TACC2: variants seen among roughly 807,000 people sequenced by gnomAD.
TACC2 encodes the protein transforming acidic coiled-coil containing protein 2, also known as transforming acidic coiled-coil-containing protein 2.
TACC2 carries 137 observed loss-of-function variants against 227.3 expected under a neutral mutation model. That is an observed-to-expected ratio of 0.60 (90% confidence interval 0.52 to 0.69). The LOEUF is 0.69. Ranked by LOEUF, TACC2 falls within the 30% of genes least tolerant of loss-of-function variation. The pLI, the probability that TACC2 is intolerant of heterozygous loss-of-function variation, is 0.00. For synonymous variants in TACC2, 1,523 were observed against 1,487.5 expected (o/e 1.02, Z -0.55); for missense variants, 3,470 against 3,694.4 (o/e 0.94, Z 1.57).
At chr10:122,165,517 G>A (rs746858119) in intron 7 of TACC2, among the ~76,000 whole-genome samples, 7 of 152,186 alleles carry the variant, frequency 4.6e-5, no homozygotes, top group Non-Finnish European at 1.0e-4. Context: ...GCTGAGGGCC[G>A]AGTTTAGATA....
intron 3 of TACC2, among the ~76,000 whole-genome samples, chr10:122,058,892 G>A (rs1565179950): frequency 1.3e-5 from 1 of 76,428 alleles, no homozygotes; most frequent in African/African-American, 3.5e-5. Context: ...CCCCCTCTGT[G>A]TGTTTTTTTT....
chr10:122,011,092 G>A (rs1045514891), intron 1 of TACC2, among the ~76,000 whole-genome samples: 38 of 152,198 alleles, frequency 2.5e-4, no homozygotes, highest in African/African-American at 8.7e-4. Context: ...TAAGACGATG[G>A]TCCAACTAGA....
intron 3 of TACC2, among the ~76,000 whole-genome samples, chr10:122,067,726 G>A (rs905707048): frequency 6.6e-6 from 1 of 152,188 alleles, no homozygotes; most frequent in Non-Finnish European, 1.5e-5. Context: ...GGCTGGTCTC[G>A]AACTCCTGAC....
rs758551244 is a variant in TACC2 at position 122,248,830 on chromosome 10, G to A, written c.8553+27G>A. ...TAGGGCTGAGTTTGGGGGCCACGGA[G>A]GAGGAGGATCTGATTGGGAGAGATT... is the stretch of plus-strand genomic sequence containing the variant. On this transcript the variant is annotated intron_variant, in intron 20 of 22. Coordinates refer to ENST00000369005, the MANE Select transcript of TACC2 (RefSeq NM_206862.4). 20 of 1,613,636 alleles carry A rather than the reference G, an allele frequency of 1.2e-5. 1 individual carries two copies. Among genetic ancestry groups the A allele is most frequent in the South Asian group, 4.4e-5 (4 of 91,052 alleles).
intron 1 of TACC2, among the ~76,000 whole-genome samples, chr10:122,008,401 C>T (rs1955513307): frequency 1.3e-5 from 2 of 151,818 alleles, no homozygotes; most frequent in South Asian, 2.1e-4. Flanking sequence ...GCCGGGATTA[C>T]AGGCATGTGC....
At chr10:122,245,726 G>C (rs1373104193) in intron 19 of TACC2, among the ~76,000 whole-genome samples, 3 of 152,066 alleles carry the variant, frequency 2.0e-5, no homozygotes, top group Admixed American at 6.6e-5. Flanking sequence ...TGGACAATGA[G>C]GCTCTTAATA....
At chr10:122,023,631 A>T (rs1029272858) in intron 2 of TACC2, 3 of 151,584 alleles carry the variant, frequency 2.0e-5, no homozygotes, top group Admixed American at 6.6e-5. Flanking sequence ...AACATCACAC[A>T]CTGGGGCCTG....
At chr10:122,041,009 G>A (rs967483145) in intron 2 of TACC2, among the ~76,000 whole-genome samples, 2 of 152,160 alleles carry the variant, frequency 1.3e-5, no homozygotes, top group African/African-American at 4.8e-5. Context: ...TCTGAATGAG[G>A]TTTGCTGCTG....
intron 6 of TACC2, among the ~76,000 whole-genome samples, chr10:122,143,317 A>G (rs1195075116): frequency 1.3e-5 from 2 of 152,194 alleles, no homozygotes; most frequent in African/African-American, 4.8e-5. Flanking sequence ...TGCCTCTGTT[A>G]AAGAAACCCG....
chr10:122,246,861 GA>G (rs34810923), intron 19 of TACC2: 64,811 of 152,192 alleles, frequency 0.43, 14,139 homozygotes, highest in African/African-American at 0.53. Flanking sequence ...CTGATACAAT[GA>G]TAAGGGGTGG....
rs1040672055 is a variant in TACC2, at chr10:121,996,293, C to T, written c.-46+6805C>T. Reference sequence around the variant, plus strand: ...CTGTGTTGCTCAGGCTGAGCTCAAGCGATCATCCTGCCTCGACCTCCCACA... The same window carrying T: ...CTGTGTTGCTCAGGCTGAGCTCAAGTGATCATCCTGCCTCGACCTCCCACA... On this transcript the variant is annotated intron_variant, in intron 1 of 22. Transcript: ENST00000369005. 2.6e-5 allele frequency among the ~76,000 whole-genome samples: 4 copies of T among 152,058 alleles called. No individual in the cohort carries two copies. The East Asian group carries it at 5.8e-4, about 22-fold the overall frequency.
intron 5 of TACC2, among the ~76,000 whole-genome samples, chr10:122,113,698 G>T (rs999847031): frequency 6.6e-6 from 1 of 152,258 alleles, no homozygotes; most frequent in African/African-American, 2.4e-5. Flanking sequence ...GGGCCACGAC[G>T]GCGCGTGGAC....
At chr10:122,191,564 G>T (rs939956894) in intron 7 of TACC2, among the ~76,000 whole-genome samples, 1 of 152,114 alleles carries the variant, frequency 6.6e-6, no homozygotes, top group South Asian at 2.1e-4. Context: ...GAAAATTTAC[G>T]AATTTATGTT....
At chr10:122,162,168 A>G (rs2092856805) in intron 7 of TACC2, among the ~76,000 whole-genome samples, 1 of 152,194 alleles carries the variant, frequency 6.6e-6, no homozygotes, top group African/African-American at 2.4e-5. Flanking sequence ...ATGCTGTTAC[A>G]TCCCAGAAAA....
chr10:121,996,149 G>T (rs1338640851), intron 1 of TACC2, among the ~76,000 whole-genome samples: 1 of 152,014 alleles, frequency 6.6e-6, no homozygotes, highest in East Asian at 1.9e-4. Flanking sequence ...GACTTCCTGG[G>T]CTCAAGCACT....
intron 5 of TACC2, among the ~76,000 whole-genome samples, chr10:122,132,033 AAAG>A (rs1397367709): frequency 0.033 from 30 of 918 alleles, no homozygotes; most frequent in Non-Finnish European, 0.21. Flanking sequence ...AAAGAAAGAA[AAAG>A]AAAGAAAGAA....
In TACC2 at chr10:121,995,874, C is replaced by A. The variant is rs189374990; in HGVS notation, c.-46+6386C>A. ...GTTCAAGCGATTCTCCTGCCTCAGTCTCCTGAGTAGCTGAGACTACAGGTG... is the reference window on the plus strand; with the variant it reads ...GTTCAAGCGATTCTCCTGCCTCAGTATCCTGAGTAGCTGAGACTACAGGTG... On this transcript the variant is annotated intron_variant, in intron 1 of 22. Transcript: ENST00000369005. Among the ~76,000 whole-genome samples, 660 of 152,232 alleles carry A rather than the reference C, an allele frequency of 4.3e-3. 8 individuals carry two copies. The highest frequency in any genetic ancestry group is 0.015 in the African/African-American group (633 of 41,538).
chr10:122,082,613 C>T (rs756297836), intron 3 of TACC2, 34 bp from the exon 4 acceptor site: 1 of 1,571,380 alleles, frequency 6.4e-7, no homozygotes, highest in South Asian at 1.2e-5. Context: ...TCCTTGGCAT[C>T]CATGATAACC....
intron 2 of TACC2, among the ~76,000 whole-genome samples, chr10:122,041,647 G>A (rs11200364): frequency 0.36 from 55,156 of 151,972 alleles, 10,460 homozygotes; most frequent in Non-Finnish European, 0.43. Context: ...GGGTTTCACC[G>A]TGTTGCCCAG....
Sources: gnomAD v4.1 joint callset for allele counts (sites outside exome capture counted in the v4.1 genomes callset) on GRCh38, gnomAD v4.1.1 for gene constraint, MANE v1.5 for transcripts, NCBI Gene and HGNC (gene_info 2026-07-23, HGNC 2026-07-21) for gene names.